Variants in UBE2U observed in about 807,000 individuals in gnomAD.
The protein encoded by UBE2U is ubiquitin conjugating enzyme E2 U.
In UBE2U, 39 loss-of-function variants were observed where a neutral mutation model predicts 41.2. That is an observed-to-expected ratio of 0.95 (90% CI 0.73 to 1.24). The LOEUF is 1.24. Ranked by LOEUF, UBE2U falls within the 50% of genes most tolerant of loss-of-function variation. UBE2U has a pLI of 0.00. For synonymous variants in UBE2U, 107 were observed against 117.8 expected, an observed-to-expected ratio of 0.91 and a Z score of 0.60; for missense variants, 336 against 363.1, an observed-to-expected ratio of 0.93 and a Z score of 0.61.
At chr1:64,232,060 C>T (rs150306993) in intron 6 of UBE2U, among the ~76,000 whole-genome samples, 48 of 152,306 alleles carry the variant, frequency 3.2e-4, no homozygotes, top group Non-Finnish European at 5.6e-4. Context: ...TAGAAAAGAG[C>T]TGTTTTTCCC....
chr1:64,261,459 C>T (rs1306927181), intron 9 of UBE2U, among the ~76,000 whole-genome samples: 3 of 152,156 alleles, frequency 2.0e-5, no homozygotes, highest in Non-Finnish European at 4.4e-5. Context: ...TTTCCTGTCA[C>T]CTGGCCACTA....
chr1:64,222,054 T>TG (rs1287685185), intron 6 of UBE2U, among the ~76,000 whole-genome samples: 2 of 133,304 alleles, frequency 1.5e-5, no homozygotes, highest in Non-Finnish European at 3.0e-5. Context: ...ATGGTGCCAC[T>TG]GCACTCCAGC....
chr1:64,247,864 CAAAAAA>C (rs71056034), intron 8 of UBE2U, among the ~76,000 whole-genome samples: 7 of 127,898 alleles, frequency 5.5e-5, no homozygotes, highest in Admixed American at 8.1e-5. Flanking sequence ...ACCTGTCTCA[CAAAAAA>C]AAAAAAAAAA....
intron 7 of UBE2U, among the ~76,000 whole-genome samples, chr1:64,238,401 TAAA>T (rs779337375): frequency 1.5e-5 from 2 of 136,110 alleles, no homozygotes; most frequent in Admixed American, 7.4e-5. Context: ...GAGACTATCT[TAAA>T]AAAAAAAAAA....
chr1:64,259,950 ATAG>A (rs1353479062), intron 8 of UBE2U, among the ~76,000 whole-genome samples: 1 of 151,698 alleles, frequency 6.6e-6, no homozygotes, highest in Non-Finnish European at 1.5e-5. Context: ...GCAGATATAA[ATAG>A]TAATTAGTTA....
At chr1:64,263,789 C>G in intron 9 of UBE2U, among the ~76,000 whole-genome samples, 1 of 152,276 alleles carries the variant, frequency 6.6e-6, no homozygotes, top group East Asian at 1.9e-4. Context: ...TTGTTCATAT[C>G]AGGCATGGCG....
At chr1:64,261,191 G>C (rs1011755862) in intron 9 of UBE2U, among the ~76,000 whole-genome samples, 2 of 152,146 alleles carry the variant, frequency 1.3e-5, no homozygotes, top group Non-Finnish European at 2.9e-5. Flanking sequence ...AAGTCAGCTG[G>C]TATAGAGGGG....
intron 3 of UBE2U, among the ~76,000 whole-genome samples, chr1:64,208,140 T>C (rs1470902818): frequency 6.6e-6 from 1 of 152,218 alleles, no homozygotes; most frequent in Non-Finnish European, 1.5e-5. Flanking sequence ...ACATATTTAG[T>C]AGGCATGGGC....
chr1:64,226,020 C>A (rs1652841852), intron 6 of UBE2U, among the ~76,000 whole-genome samples: 1 of 151,964 alleles, frequency 6.6e-6, no homozygotes, highest in Non-Finnish European at 1.5e-5. Flanking sequence ...AAGTATATAC[C>A]TAAAAGAAAT....
At chr1:64,252,020 G>A (rs1325251558) in intron 8 of UBE2U, among the ~76,000 whole-genome samples, 1 of 152,170 alleles carries the variant, frequency 6.6e-6, no homozygotes, top group Admixed American at 6.5e-5. Flanking sequence ...GGGAAAATGT[G>A]GTCACCATTT....
chr1:64,205,550 G>A (rs772312312), intron 1 of UBE2U, 89 bp from the exon 2 acceptor site: 2 of 1,037,986 alleles, frequency 1.9e-6, no homozygotes, highest in Non-Finnish European at 2.8e-6. Context: ...AGAGTTTTTA[G>A]AATTCAGTGT....
At chr1:64,220,148 G>T (rs1287495912) in intron 5 of UBE2U, among the ~76,000 whole-genome samples, 1 of 152,088 alleles carries the variant, frequency 6.6e-6, no homozygotes, top group East Asian at 1.9e-4. Context: ...TGGGCTTGTT[G>T]ACAGTTTTAT....
At chr1:64,225,149 T>G (rs1290248163) in intron 6 of UBE2U, among the ~76,000 whole-genome samples, 2 of 152,184 alleles carry the variant, frequency 1.3e-5, no homozygotes, top group Non-Finnish European at 2.9e-5. Context: ...TAGAAAGTAA[T>G]TATAATAACT....
chr1:64,234,406 A>T (rs974898516), intron 7 of UBE2U, among the ~76,000 whole-genome samples: 6 of 152,072 alleles, frequency 3.9e-5, no homozygotes, highest in African/African-American at 1.4e-4. Flanking sequence ...CTTCCACTCT[A>T]CTACACCCCC....
At position 64,224,930 on chromosome 1, in the gene UBE2U, T is replaced by A. The variant is rs528682067; in HGVS notation, c.506+4023T>A. ...GTGCCTTATAAAATACTGTATAGGATATTATCACACACACACACACACACA... is the reference window on the plus strand; with the variant it reads ...GTGCCTTATAAAATACTGTATAGGAAATTATCACACACACACACACACACA... On this transcript the variant is annotated intron_variant, in intron 6 of 9. Transcript: ENST00000371077. 7.0e-3 allele frequency among the ~76,000 whole-genome samples: 889 copies of A among 127,404 alleles called. 11 individuals are homozygous for A. The highest frequency in any genetic ancestry group is 0.036 in the Middle Eastern group (10 of 276). The allele number at this position is 127,404 out of a possible 152,430, so 83.6% of individuals were successfully genotyped here.
intron 6 of UBE2U, among the ~76,000 whole-genome samples, 189 bp from the exon 7 acceptor site, chr1:64,232,372 C>T (rs193265942): frequency 4.0e-5 from 6 of 151,898 alleles, no homozygotes; most frequent in East Asian, 3.9e-4. Context: ...TTTTCTTTTT[C>T]GTTATTTGTA....
chr1:64,209,791 C>T lies in UBE2U; in HGVS notation c.242-951C>T, dbSNP rs376781769. 2.4e-4 allele frequency among the ~76,000 whole-genome samples: 36 copies of T among 149,304 alleles called. 3 individuals are homozygous for T. The South Asian group carries it at 5.1e-3, about 21-fold the overall frequency. On this transcript the variant is annotated intron_variant, in intron 3 of 9. Transcript: ENST00000371077. ...CCTACCAAAAAGTACATATAAAGTT[C>T]TTATTTTAGCACCTTCCAATTCTGG... is the stretch of plus-strand genomic sequence containing the variant.
rs544406540 is a variant in UBE2U, at chr1:64,263,256, C to T, written c.769+2562C>T. On this transcript the variant is annotated intron_variant, in intron 9 of 9. Coordinates refer to ENST00000371077, the MANE Select transcript of UBE2U (RefSeq NM_001366232.2). ...TTAATTCCTGCTCCACCTACATGAA[C>T]AAAACATGTTTCCTTGTGCCTTGAC... Among the ~76,000 whole-genome samples the T allele has an allele frequency of 3.3e-5, 5 of 152,186 alleles. No individual in the cohort carries two copies. The South Asian group carries it at 1.0e-3, about 32-fold the overall frequency.
intron 8 of UBE2U, among the ~76,000 whole-genome samples, chr1:64,250,604 A>C (rs1644990943): frequency 6.6e-6 from 1 of 152,310 alleles, no homozygotes; most frequent in East Asian, 1.9e-4. Flanking sequence ...CTATAAAGAC[A>C]CATGCACACA....
Sources: allele counts gnomAD v4.1 joint callset (sites outside exome capture counted in the v4.1 genomes callset), GRCh38; gene constraint gnomAD v4.1.1; transcripts MANE v1.5; gene names NCBI Gene and HGNC (gene_info 2026-07-23, HGNC 2026-07-21).